Variants in CFAP20DC observed in about 807,000 individuals in gnomAD.
CFAP20DC encodes protein CFAP20DC.
Under a neutral mutation model 101.7 loss-of-function variants are expected in CFAP20DC, and 84 were observed. The observed-to-expected ratio is 0.83, with a 90% confidence interval of 0.69 to 0.99. The LOEUF is 0.99. Ranked by LOEUF, CFAP20DC falls within the 50% of genes least tolerant of loss-of-function variation. The pLI is 0.00. For synonymous variants in CFAP20DC, 359 were observed against 351.2 expected (o/e 1.02, Z -0.25); for missense variants, 1,007 against 970.3 (o/e 1.04, Z -0.50).
intron 12 of CFAP20DC, among the ~76,000 whole-genome samples, chr3:58,852,973 A>G (rs1265689134): frequency 1.3e-5 from 2 of 152,214 alleles, no homozygotes; most frequent in African/African-American, 2.4e-5. Context: ...AAGGCAAGAA[A>G]TAACTAAAAT....
intron 16 of CFAP20DC, among the ~76,000 whole-genome samples, chr3:58,746,259 T>A (rs932676846): frequency 1.3e-5 from 2 of 152,148 alleles, no homozygotes; most frequent in Non-Finnish European, 2.9e-5. Context: ...AATGTTTAAA[T>A]CACATATCCC....
rs1407140120 is a variant in CFAP20DC at position 58,742,668 on chromosome 3, G to A, written c.2333-96C>T. On this transcript the variant is annotated intron_variant, in intron 16 of 16. Coordinates refer to ENST00000482387, the MANE Select transcript of CFAP20DC (RefSeq NM_001394063.1). ...AGCAGGAATCACCATCTCTCCTGGG[G>A]GATTTTCTTTATGCAGGTAGAAGGT... 7.6e-6 allele frequency: 6 copies of A among 789,014 alleles called. No individual in the cohort carries two copies. In the South Asian group the frequency reaches 1.3e-4, roughly 17 times the overall value. 48.9% of individuals were successfully genotyped at this position (789,014 alleles called of 1,614,324 possible).
Position 58,966,987 on chromosome 3 carries a change from G to C in CFAP20DC, c.279-29225C>G, listed in dbSNP as rs542334191. Among the ~76,000 whole-genome samples the C allele has an allele frequency of 2.6e-5, 4 of 152,152 alleles. No individual in the cohort carries two copies. The South Asian group carries it at 8.3e-4, about 32-fold the overall frequency. ...ATTTAATCTATCCCTATCAGAATCC[G>C]AGCTGACTTCTTTGAGAAACTGACA... On this transcript the variant is annotated intron_variant, in intron 4 of 16. Transcript: ENST00000482387.
intron 4 of CFAP20DC, among the ~76,000 whole-genome samples, chr3:58,943,199 T>C (rs1281316399): frequency 1.3e-5 from 2 of 152,180 alleles, no homozygotes; most frequent in Non-Finnish European, 2.9e-5. Flanking sequence ...GAGCAGCAGA[T>C]CTCTCAGCAC....
chr3:58,794,493 T>C (rs750460506), intron 15 of CFAP20DC, among the ~76,000 whole-genome samples: 10 of 152,244 alleles, frequency 6.6e-5, no homozygotes, highest in Non-Finnish European at 1.5e-4. Context: ...GGTTTTTATA[T>C]GGTAATGAAC....
chr3:58,895,470 T>C (rs558393028), intron 6 of CFAP20DC, among the ~76,000 whole-genome samples: 49 of 152,318 alleles, frequency 3.2e-4, no homozygotes, highest in African/African-American at 1.2e-3. Flanking sequence ...TCACCTTTGC[T>C]CCAGTTCTCA....
chr3:58,953,280 T>C (rs537621411), intron 4 of CFAP20DC, among the ~76,000 whole-genome samples: 2 of 152,318 alleles, frequency 1.3e-5, no homozygotes, highest in South Asian at 4.1e-4. Context: ...AACACATTTA[T>C]TAAGAGGTGG....
In CFAP20DC at chr3:59,037,706, GA is replaced by G. The variant is rs2094129121; in HGVS notation, c.278+1850del. ...TGGGAGTCTAAATTAAACCACTGTA[GA>G]ATAAATGTGGCGATTCCTCAAGAAT... On this transcript the variant is annotated intron_variant, in intron 4 of 16. Transcript: ENST00000482387. Among the ~76,000 whole-genome samples the G allele has an allele frequency of 2.0e-5, 3 of 151,654 alleles. 1 individual carries two copies. The South Asian group carries it at 6.2e-4, about 31-fold the overall frequency.
intron 16 of CFAP20DC, among the ~76,000 whole-genome samples, chr3:58,750,708 G>A (rs1434273784): frequency 6.6e-6 from 1 of 152,178 alleles, no homozygotes; most frequent in Non-Finnish European, 1.5e-5. Context: ...GACCACATCA[G>A]TGTTTTTAAC....
intron 15 of CFAP20DC, among the ~76,000 whole-genome samples, chr3:58,786,224 A>G (rs908337099): frequency 1.5e-4 from 23 of 152,154 alleles, no homozygotes; most frequent in South Asian, 1.0e-3. Context: ...CTCCGTGGTG[A>G]TATCTTTGAA....
At chr3:58,751,506 G>C (rs748986207) in intron 16 of CFAP20DC, among the ~76,000 whole-genome samples, 2 of 152,124 alleles carry the variant, frequency 1.3e-5, no homozygotes, top group Non-Finnish European at 2.9e-5. Context: ...GGTGGGAGGA[G>C]AGGGGGCCGG....
At chr3:58,780,832 T>C (rs1223841363) in intron 15 of CFAP20DC, among the ~76,000 whole-genome samples, 1 of 151,970 alleles carries the variant, frequency 6.6e-6, no homozygotes, top group African/African-American at 2.4e-5. Flanking sequence ...AATATAATAA[T>C]AGCTGGGAAT....
chr3:58,972,579 T>C (rs528043523), intron 4 of CFAP20DC, among the ~76,000 whole-genome samples: 18 of 152,290 alleles, frequency 1.2e-4, no homozygotes, highest in African/African-American at 4.3e-4. Flanking sequence ...AAGGTGAAAT[T>C]AGAAAGCTTT....
chr3:58,720,652 T>C (rs911335935), intron 3 of CFAP20DC, among the ~76,000 whole-genome samples: 1 of 152,236 alleles, frequency 6.6e-6, no homozygotes, highest in Non-Finnish European at 1.5e-5. Flanking sequence ...CTTGGAGGCA[T>C]TCCCATGGCT....
At chr3:58,871,451 C>T (rs1228116094) in intron 7 of CFAP20DC, among the ~76,000 whole-genome samples, 1 of 152,150 alleles carries the variant, frequency 6.6e-6, no homozygotes, top group East Asian at 1.9e-4. Context: ...CTGCTGCCTT[C>T]CCTTCTGCAC....
At chr3:58,950,656 AG>A (rs1486552264) in intron 4 of CFAP20DC, among the ~76,000 whole-genome samples, 2 of 152,100 alleles carry the variant, frequency 1.3e-5, no homozygotes, top group Non-Finnish European at 2.9e-5. Context: ...AACAAGAAAT[AG>A]GGAAACGATT....
chr3:58,978,457 C>G (rs1559931714), intron 4 of CFAP20DC, among the ~76,000 whole-genome samples: 2 of 151,986 alleles, frequency 1.3e-5, no homozygotes, highest in Non-Finnish European at 1.5e-5. Context: ...ACCTCTAATC[C>G]CAGCACTTTG....
At chr3:58,911,478 C>T (rs2107357416) in intron 6 of CFAP20DC, among the ~76,000 whole-genome samples, 1 of 152,104 alleles carries the variant, frequency 6.6e-6, no homozygotes, top group South Asian at 2.1e-4. Context: ...GAGACATAAG[C>T]AGGCTTGTAG....
At chr3:58,848,540 T>C (rs1490331134) in intron 13 of CFAP20DC, among the ~76,000 whole-genome samples, 3 of 152,158 alleles carry the variant, frequency 2.0e-5, no homozygotes, top group Non-Finnish European at 2.9e-5. Flanking sequence ...GCCACCAAAC[T>C]AGCCGAGGGA....
Sources: allele counts gnomAD v4.1 joint callset (sites outside exome capture counted in the v4.1 genomes callset), GRCh38; gene constraint gnomAD v4.1.1; transcripts MANE v1.5; gene names NCBI Gene and HGNC (gene_info 2026-07-23, HGNC 2026-07-21).